The following KCNN2 variants were observed in gnomAD, a reference collection of about 807,000 sequenced individuals.
KCNN2 encodes the protein small conductance calcium-activated potassium channel protein 2.
In KCNN2, 24 loss-of-function variants were observed where a neutral mutation model predicts 55.5. The ratio of observed to expected loss-of-function variants is 0.43; its 90% CI spans 0.31 to 0.61. KCNN2 has a LOEUF of 0.61. KCNN2 is among the 20% of genes least tolerant of loss of function. The pLI is 0.08. For missense variants in KCNN2, 754 were observed against 853.6 expected, an observed-to-expected ratio of 0.88 and a Z score of 1.45; for synonymous variants, 431 against 336.1, an observed-to-expected ratio of 1.28 and a Z score of -3.09.
intron 6 of KCNN2, among the ~76,000 whole-genome samples, chr5:114,490,126 A>G (rs145595489): frequency 2.2e-4 from 34 of 152,288 alleles, no homozygotes; most frequent in African/African-American, 8.2e-4. Flanking sequence ...TTTTTCTGGT[A>G]GCAACTTTCC....
Position 114,496,442 on chromosome 5 carries a change from A to T in KCNN2, c.*260A>T, listed in dbSNP as rs1580940206. ...ACTAACTTTTTATTCATGCACTTCA[A>T]ACAAACTTTACTACTACATTATATG... On this transcript the variant is annotated 3_prime_UTR_variant, in exon 8 of 8. Transcript: ENST00000673685. 7.6e-6 allele frequency: 3 copies of T among 393,054 alleles called. No homozygotes were observed. In the East Asian group the frequency reaches 1.3e-4, roughly 17 times the overall value. The allele number at this position is 393,054 out of a possible 1,614,324, so 24.3% of individuals were successfully genotyped here.
intron 2 of KCNN2, among the ~76,000 whole-genome samples, chr5:114,398,403 G>T (rs1220811148): frequency 6.6e-6 from 1 of 151,110 alleles, no homozygotes; most frequent in African/African-American, 2.4e-5. Flanking sequence ...GTCTGTTTTT[G>T]TACCAGTGCC....
chr5:114,382,564 G>A (rs1415188356), intron 2 of KCNN2, among the ~76,000 whole-genome samples: 3 of 152,184 alleles, frequency 2.0e-5, no homozygotes, highest in Admixed American at 6.5e-5. Context: ...CTGCTTTGAA[G>A]CACTAGACAT....
chr5:114,125,187 T>G (rs1751905902), intron 1 of KCNN2, among the ~76,000 whole-genome samples: 1 of 152,152 alleles, frequency 6.6e-6, no homozygotes, highest in South Asian at 2.1e-4. Flanking sequence ...AAATTTAACT[T>G]TTTGTACCCT....
intron 2 of KCNN2, among the ~76,000 whole-genome samples, chr5:114,391,977 A>G (rs1372176682): frequency 6.6e-6 from 1 of 152,014 alleles, no homozygotes; most frequent in African/African-American, 2.4e-5. Context: ...TATGTCAGCC[A>G]TGTCTGTCTT....
At chr5:114,189,792 C>T (rs529143630) in intron 1 of KCNN2, among the ~76,000 whole-genome samples, 3 of 152,138 alleles carry the variant, frequency 2.0e-5, no homozygotes, top group Admixed American at 6.5e-5. Context: ...CAGAAAGATA[C>T]GCACACATAC....
intron 1 of KCNN2, among the ~76,000 whole-genome samples, chr5:114,209,142 A>C (rs1753829258): frequency 6.6e-6 from 1 of 150,738 alleles, no homozygotes; most frequent in South Asian, 2.1e-4. Context: ...CTGCAGCCTC[A>C]CACTCCTGGC....
intron 1 of KCNN2, among the ~76,000 whole-genome samples, chr5:114,070,089 T>C (rs747652141): frequency 3.9e-5 from 6 of 152,270 alleles, no homozygotes; most frequent in African/African-American, 7.2e-5. Context: ...AAAAGCAATC[T>C]GATTCAATCT....
chr5:114,283,435 A>G (rs576315174), intron 2 of KCNN2, among the ~76,000 whole-genome samples: 2 of 152,258 alleles, frequency 1.3e-5, no homozygotes, highest in East Asian at 1.9e-4. Context: ...ATTTGCTATA[A>G]TCTTAAATTC....
At chr5:114,116,717 A>G (rs1213347952) in intron 1 of KCNN2, among the ~76,000 whole-genome samples, 1 of 152,120 alleles carries the variant, frequency 6.6e-6, no homozygotes, top group Non-Finnish European at 1.5e-5. Flanking sequence ...TCCTGCAGTT[A>G]TTTTGATTTG....
intron 2 of KCNN2, among the ~76,000 whole-genome samples, chr5:114,233,153 C>A (rs1025191082): frequency 6.6e-6 from 1 of 150,690 alleles, no homozygotes; most frequent in Non-Finnish European, 1.5e-5. Flanking sequence ...ATCTCCTGAC[C>A]TCGTGATCCG....
At chr5:114,117,451 G>T (rs2974456) in intron 1 of KCNN2, among the ~76,000 whole-genome samples, 10,768 of 152,166 alleles carry the variant, frequency 0.071, 1,258 homozygotes, top group African/African-American at 0.24. Context: ...GGCCACCTGG[G>T]AGTAGTCAGC....
At chr5:114,456,790 T>G (rs1168936039) in intron 3 of KCNN2, among the ~76,000 whole-genome samples, 1 of 152,136 alleles carries the variant, frequency 6.6e-6, no homozygotes, top group African/African-American at 2.4e-5. Context: ...TAGCTGCAGG[T>G]ATAATGGAAA....
intron 2 of KCNN2, among the ~76,000 whole-genome samples, chr5:114,297,410 A>G (rs978908531): frequency 2.6e-5 from 4 of 152,180 alleles, no homozygotes; most frequent in African/African-American, 9.6e-5. Context: ...TAATGAAATG[A>G]TATATTGAAT....
intron 1 of KCNN2, among the ~76,000 whole-genome samples, chr5:114,111,124 A>T (rs1209805139): frequency 6.6e-6 from 1 of 152,126 alleles, no homozygotes; most frequent in Non-Finnish European, 1.5e-5. Flanking sequence ...ACTGTTACCA[A>T]AACAGATATA....
At chr5:114,082,082 G>T (rs2632130) in intron 1 of KCNN2, among the ~76,000 whole-genome samples, 85,332 of 151,726 alleles carry the variant, frequency 0.56, 24,258 homozygotes, top group East Asian at 0.68. Context: ...TGCTCAAGGC[G>T]GGATACCTAT....
At position 114,496,169 on chromosome 5, in the gene KCNN2, C is replaced by G. The variant is rs1256852285; in HGVS notation, c.2363C>G (p.Ser788Ter). Residue 788 changes from serine (S) to a stop codon, truncating the protein, a stop_gained, in exon 8 of 8, where the codon TCA becomes TGA. Coordinates refer to ENST00000673685, the MANE Select transcript of KCNN2 (RefSeq NM_021614.4). LOFTEE classifies it high-confidence loss of function. ...TCTTCCACAGCACCACCAACTTCAT[C>G]AGAGAGTAGCTAGAAGAGAATAAGT... ...RSSSTAPPTSSESS is the reference protein window; with the variant it reads ...RSSSTAPPTS 1 of 1,613,862 alleles carries G rather than the reference C, an allele frequency of 6.2e-7. No homozygotes were observed. Among genetic ancestry groups the G allele is most frequent in the South Asian group, 1.1e-5 (1 of 91,074 alleles).
At chr5:114,361,600 C>G (rs1327178590), upstream of KCNN2, among the ~76,000 whole-genome samples, 1 of 152,024 alleles carries the variant, frequency 6.6e-6, no homozygotes, top group African/African-American at 2.4e-5. Context: ...CCCTGCGAGG[C>G]GTGCAGTCGG....
At chr5:114,273,400 C>A (rs1210060792) in intron 2 of KCNN2, among the ~76,000 whole-genome samples, 1 of 152,104 alleles carries the variant, frequency 6.6e-6, no homozygotes, top group Non-Finnish European at 1.5e-5. Flanking sequence ...ATTACTGGGT[C>A]AAATGGTAAT....
Sources: allele counts gnomAD v4.1 joint callset (sites outside exome capture counted in the v4.1 genomes callset), GRCh38; gene constraint gnomAD v4.1.1; transcripts MANE v1.5; gene names NCBI Gene and HGNC (gene_info 2026-07-23, HGNC 2026-07-21).